THG1L: variants seen among roughly 807,000 people sequenced by gnomAD.
THG1L encodes the protein probable tRNA(His) guanylyltransferase.
THG1L carries 27 observed loss-of-function variants against 35.2 expected under a neutral mutation model. The ratio of observed to expected loss-of-function variants is 0.77; its 90% CI spans 0.57 to 1.06. The LOEUF (loss-of-function observed/expected upper bound fraction) is 1.06, where lower values mean the gene tolerates loss of function less well. Among genes scored for constraint, THG1L ranks in the 50% least tolerant of loss-of-function variants. The pLI, the probability that THG1L is intolerant of heterozygous loss-of-function variation, is 0.00. For synonymous variants in THG1L, 135 were observed against 132.4 expected (o/e 1.02, Z -0.14); for missense variants, 377 against 371.8 (o/e 1.01, Z -0.12).
At position 157,739,545 on chromosome 5, in the gene THG1L, T is replaced by C; in HGVS notation, c.*63T>C. 1 of 1,538,526 alleles carries C rather than the reference T, an allele frequency of 6.5e-7. No homozygotes were observed. The highest frequency in any genetic ancestry group is 8.8e-7 in the Non-Finnish European group (1 of 1,140,424). On this transcript the variant is annotated 3_prime_UTR_variant, in exon 6 of 6. Transcript: ENST00000231198. Reference sequence around the variant, plus strand: ...AAGCCCTCCCACCTCCCAGGGCTCCTTGCCTTAGGTGGCTGTAGCATCCCT... The same window carrying C: ...AAGCCCTCCCACCTCCCAGGGCTCCCTGCCTTAGGTGGCTGTAGCATCCCT...
At position 157,739,541 on chromosome 5, in the gene THG1L, C is replaced by T. The variant is rs2113052514; in HGVS notation, c.*59C>T. On this transcript the variant is annotated 3_prime_UTR_variant, in exon 6 of 6. Transcript: ENST00000231198. ...ATGCAAGCCCTCCCACCTCCCAGGG[C>T]TCCTTGCCTTAGGTGGCTGTAGCAT... 2 of 1,551,014 alleles carry T rather than the reference C, an allele frequency of 1.3e-6. No individual in the cohort carries two copies. The highest frequency in any genetic ancestry group is 8.7e-7 in the Non-Finnish European group (1 of 1,147,778).
At chr5:157,731,904 G>C (rs1291427280) in intron 1 of THG1L, among the ~76,000 whole-genome samples, 1 of 152,210 alleles carries the variant, frequency 6.6e-6, no homozygotes, top group East Asian at 1.9e-4. Context: ...TTGTTAGCAA[G>C]GACCTGTTGT....
At chr5:157,731,707 C>G (rs903832163) in intron 1 of THG1L, 76 bp downstream of exon 1, 89 of 1,506,470 alleles carry the variant, frequency 5.9e-5, no homozygotes, top group Non-Finnish European at 7.8e-5. Context: ...TGCAAGTCCT[C>G]CCGCCCGCTC....
rs1210191072 is a variant in THG1L at position 157,732,956 on chromosome 5, C to G, written c.280C>G (p.Leu94Val). ...TKCAQTVMEE[L>V]EDIVIAYGQS... ...ATGTGCGCAGACTGTGATGGAAGAA[C>G]TAGAGGATATTGTGATCGCGTATGG... Residue 94 changes from leucine to valine, a missense_variant, in exon 2 of 6, where the codon CTA becomes GTA. Coordinates refer to ENST00000231198, the MANE Select transcript of THG1L (RefSeq NM_017872.5). 1.9e-6 allele frequency: 3 copies of G among 1,614,188 alleles called. No homozygotes were observed. Among genetic ancestry groups the G allele is most frequent in the African/African-American group, 1.3e-5 (1 of 75,040 alleles).
intron 2 of THG1L, 47 bp downstream of exon 2, chr5:157,733,091 ATCTGGTTT>A (rs1353406636): frequency 3.1e-6 from 5 of 1,599,670 alleles, no homozygotes; most frequent in Non-Finnish European, 3.4e-6. Flanking sequence ...TCCTCCCAGC[ATCTGGTTT>A]TCTGTTTATC....
At chr5:157,737,041 G>A (rs1208858865) in intron 4 of THG1L, among the ~76,000 whole-genome samples, 4 of 151,468 alleles carry the variant, frequency 2.6e-5, no homozygotes, top group African/African-American at 4.9e-5. Context: ...CCAGCAGTCC[G>A]CCCACCTCAG....
In THG1L at chr5:157,739,825, A is replaced by G. The variant is rs563748377; in HGVS notation, c.*343A>G. The G allele has an allele frequency of 1.7e-4, 29 of 170,688 alleles. No homozygotes were observed. The highest frequency in any genetic ancestry group is 2.8e-4 in the Non-Finnish European group (23 of 80,764). The allele number at this position is 170,688 out of a possible 1,614,324, so 10.6% of individuals were successfully genotyped here. A position where few individuals can be genotyped will look rare whatever the true frequency, so the allele number is the denominator to read the frequency against. ...TAAATCTTGTAAAAACCTGTCAGTT[A>G]TTTTCATCTATGAGAGAAGAGGAGC... On this transcript the variant is annotated 3_prime_UTR_variant, in exon 6 of 6. Transcript: ENST00000231198.
At chr5:157,735,026 C>T (rs1410246140) in intron 3 of THG1L, among the ~76,000 whole-genome samples, 1 of 151,910 alleles carries the variant, frequency 6.6e-6, no homozygotes, top group Non-Finnish European at 1.5e-5. Context: ...CAACCTCCAC[C>T]TCCTGGGTTC....
At chr5:157,734,846 A>C in intron 3 of THG1L, 101 bp downstream of exon 3, 1 of 1,331,158 alleles carries the variant, frequency 7.5e-7, no homozygotes, top group East Asian at 2.4e-5. Flanking sequence ...TTGTTTCAAC[A>C]TATACGTTGT....
At position 157,739,710 on chromosome 5, in the gene THG1L, A is replaced by C; in HGVS notation, c.*228A>C. 1 of 394,736 alleles carries C rather than the reference A, an allele frequency of 2.5e-6. No individual in the cohort carries two copies. Among genetic ancestry groups the C allele is most frequent in the Admixed American group, 4.5e-5 (1 of 22,434 alleles). 24.5% of individuals were successfully genotyped at this position (394,736 alleles called of 1,614,324 possible). ...GGTGTTGGAACATGGTTCCTTTGGC[A>C]GAAGTGCTTTTTTTTTAATCGCAGT... is the stretch of plus-strand genomic sequence containing the variant. On this transcript the variant is annotated 3_prime_UTR_variant, in exon 6 of 6. Coordinates refer to ENST00000231198, the MANE Select transcript of THG1L (RefSeq NM_017872.5).
At chr5:157,731,705 C>G (rs555756043) in intron 1 of THG1L, 74 bp downstream of exon 1, 317 of 1,506,738 alleles carry the variant, frequency 2.1e-4, no homozygotes, top group Non-Finnish European at 1.3e-4. Flanking sequence ...CTTGCAAGTC[C>G]TCCCGCCCGC....
At chr5:157,737,315 G>C (rs1425697285) in intron 4 of THG1L, among the ~76,000 whole-genome samples, 2 of 152,050 alleles carry the variant, frequency 1.3e-5, no homozygotes, top group Non-Finnish European at 2.9e-5. Flanking sequence ...AACATGGTGA[G>C]ACCGCTTCTC....
intron 4 of THG1L, 105 bp downstream of exon 4, chr5:157,736,039 T>C (rs1760880762): frequency 1.4e-6 from 1 of 733,524 alleles, no homozygotes; most frequent in African/African-American, 1.9e-5. Flanking sequence ...TTAAGATCCC[T>C]GTACAGCTTT....
chr5:157,734,671 G>C lies in THG1L; in HGVS notation c.464G>C (p.Gly155Ala), dbSNP rs983050347. The change falls in exon 3 of 6, where the codon GGC (glycine) becomes GCC (alanine). Residue 155 changes from glycine to alanine, a missense_variant. Coordinates refer to ENST00000231198, the MANE Select transcript of THG1L (RefSeq NM_017872.5). ...FEDQPLLYPP[G>A]FDGRVVVYPS... ...GACCAGCCCCTTCTGTATCCCCCAG[G>C]CTTTGACGGAAGAGTCGTGGTGTAT... 6.2e-7 allele frequency: 1 copy of C among 1,614,100 alleles called. No individual in the cohort carries two copies. The highest frequency in any genetic ancestry group is 1.1e-5 in the South Asian group (1 of 91,074).
intron 3 of THG1L, 123 bp downstream of exon 3, chr5:157,734,868 T>A: frequency 9.9e-7 from 1 of 1,014,882 alleles, no homozygotes; most frequent in Non-Finnish European, 1.4e-6. Flanking sequence ...CAGAATGCAG[T>A]ATTTAAATAT....
chr5:157,735,678 C>T (rs1008934172), intron 3 of THG1L, among the ~76,000 whole-genome samples, 168 bp from the exon 4 acceptor site: 4 of 152,196 alleles, frequency 2.6e-5, no homozygotes, highest in Non-Finnish European at 5.9e-5. Flanking sequence ...TTCCCTACTG[C>T]TCCTTCCCTC....
At position 157,734,589 on chromosome 5, in the gene THG1L, C is replaced by G; in HGVS notation, c.382C>G (p.His128Asp). The G allele has an allele frequency of 6.2e-7, 1 of 1,614,140 alleles. No homozygotes were observed. Among genetic ancestry groups the G allele is most frequent in the Non-Finnish European group, 8.5e-7 (1 of 1,180,044 alleles). The change falls in exon 3 of 6, where the codon CAC (histidine) becomes GAC (aspartate). Residue 128 changes from histidine (H) to aspartate (D), a missense_variant. His to Asp is a moderately conservative substitution (Grantham distance 81). Transcript: ENST00000231198. The part of the protein sequence containing the change: ...FKRRASKFMT[H>D]VASQFASSYV... Reference sequence around the variant, plus strand: ...TACATTTTCAAGTAAGTTCATGACTCACGTGGCCTCCCAGTTTGCCTCCAG... The same window carrying G: ...TACATTTTCAAGTAAGTTCATGACTGACGTGGCCTCCCAGTTTGCCTCCAG...
Position 157,734,689 on chromosome 5 carries a change from T to C in THG1L, c.482T>C (p.Val161Ala), listed in dbSNP as rs745950151. ...LYPPGFDGRV[V>A]VYPSNQTLKD... Reference sequence around the variant, plus strand: ...CCCCCAGGCTTTGACGGAAGAGTCGTGGTGTATCCCAGCAACCAGACTTTA... The same window carrying C: ...CCCCCAGGCTTTGACGGAAGAGTCGCGGTGTATCCCAGCAACCAGACTTTA... Residue 161 changes from valine to alanine, a missense_variant, in exon 3 of 6, where the codon GTG becomes GCG. By Grantham distance (64) the Val-to-Ala change is moderately conservative. Transcript: ENST00000231198. The C allele has an allele frequency of 1.2e-6, 2 of 1,614,086 alleles. No individual in the cohort carries two copies. The highest frequency in any genetic ancestry group is 2.2e-5 in the South Asian group (2 of 91,072).
In THG1L at chr5:157,739,517, T is replaced by A; in HGVS notation, c.*35T>A. The A allele has an allele frequency of 6.3e-7, 1 of 1,586,306 alleles. No homozygotes were observed. Among genetic ancestry groups the A allele is most frequent in the Non-Finnish European group, 8.6e-7 (1 of 1,164,902 alleles). ...GCTTCAGTTCTGGTGTGCTTAACCATGCAAGCCCTCCCACCTCCCAGGGCT... is the reference window on the plus strand; with the variant it reads ...GCTTCAGTTCTGGTGTGCTTAACCAAGCAAGCCCTCCCACCTCCCAGGGCT... On this transcript the variant is annotated 3_prime_UTR_variant, in exon 6 of 6. Coordinates refer to ENST00000231198, the MANE Select transcript of THG1L (RefSeq NM_017872.5).
Sources: gnomAD v4.1 joint callset for allele counts (sites outside exome capture counted in the v4.1 genomes callset) on GRCh38, gnomAD v4.1.1 for gene constraint, MANE v1.5 for transcripts, NCBI Gene and HGNC (gene_info 2026-07-23, HGNC 2026-07-21) for gene names.